The following DHRSX variants were observed in gnomAD, a reference collection of about 807,000 sequenced individuals.
DHRSX encodes the protein dehydrogenase/reductase X-linked.
DHRSX carries 31 observed loss-of-function variants against 34.0 expected under a neutral mutation model. The observed-to-expected ratio is 0.91, with a 90% confidence interval of 0.69 to 1.23. The LOEUF is 1.23. DHRSX is among the 50% of genes most tolerant of loss of function. DHRSX has a pLI of 0.00. For synonymous variants in DHRSX, 201 were observed against 183.8 expected (o/e 1.09, Z -0.76); for missense variants, 414 against 428.1 (o/e 0.97, Z 0.29).
At chrX:2,435,842 A>G (rs1234479902) in intron 1 of DHRSX, among the ~76,000 whole-genome samples, 1 of 152,264 alleles carries the variant, frequency 6.6e-6, no homozygotes. Flanking sequence ...CTTAAAAAAC[A>G]GGAAAAACAA....
At chrX:2,442,298 G>C (rs1021665488) in intron 1 of DHRSX, among the ~76,000 whole-genome samples, 4 of 151,412 alleles carry the variant, frequency 2.6e-5, no homozygotes, top group Non-Finnish European at 2.9e-5. Context: ...GAACAAAAAG[G>C]GTTGTTCTTG....
rs747127924 is a variant in DHRSX, at chrX:2,403,770, C to T, written c.286+4975G>A. Among the ~76,000 whole-genome samples the T allele has an allele frequency of 2.7e-3, 415 of 151,188 alleles. 1 individual carries two copies. The highest frequency in any genetic ancestry group is 9.0e-3 in the African/African-American group (369 of 41,124). ...ACTCGGGAGGCTGAGGCAGGAGAAT[C>T]GCTTGAACCCGGGAGGCGGAGGTTG... is the stretch of plus-strand genomic sequence containing the variant. On this transcript the variant is annotated intron_variant, in intron 3 of 6. Transcript: ENST00000334651.
intron 1 of DHRSX, among the ~76,000 whole-genome samples, chrX:2,479,863 G>T (rs7887430): frequency 0.2 from 30,363 of 151,682 alleles, 4,012 homozygotes; most frequent in African/African-American, 0.38. Context: ...CTATGGGACT[G>T]TCGCCATGTA....
intron 3 of DHRSX, among the ~76,000 whole-genome samples, chrX:2,353,541 G>A (rs9785588): frequency 0.44 from 66,331 of 151,004 alleles, 15,432 homozygotes; most frequent in Non-Finnish European, 0.52. Flanking sequence ...GGAGTCAGAA[G>A]ACAGTCACAC....
chrX:2,244,699 T>A (rs1438408163), intron 5 of DHRSX, among the ~76,000 whole-genome samples: 1 of 151,078 alleles, frequency 6.6e-6, no homozygotes, highest in Admixed American at 6.6e-5. Flanking sequence ...ATATATATAT[T>A]TTTAAATTTT....
chrX:2,468,406 A>G (rs2044530407), intron 1 of DHRSX, among the ~76,000 whole-genome samples: 1 of 152,208 alleles, frequency 6.6e-6, no homozygotes, highest in South Asian at 2.1e-4. Flanking sequence ...ATGGTCGCTG[A>G]CAGAGGAAAC....
intron 3 of DHRSX, among the ~76,000 whole-genome samples, chrX:2,361,673 G>A (rs1569493723): frequency 2.0e-5 from 3 of 152,128 alleles, no homozygotes; most frequent in South Asian, 2.1e-4. Flanking sequence ...TTAATGTGTC[G>A]TTTCTGAGCA....
intron 5 of DHRSX, 83 bp downstream of exon 5, chrX:2,266,657 C>T (rs760255493): frequency 2.1e-5 from 29 of 1,355,296 alleles, no homozygotes; most frequent in African/African-American, 5.7e-5. Flanking sequence ...ATGCAGGGAG[C>T]GCCACACCGC....
Position 2,221,096 on chromosome X carries a change from T to C in DHRSX, c.938A>G (p.Gln313Arg). 1 of 1,613,974 alleles carries C rather than the reference T, an allele frequency of 6.2e-7. No individual in the cohort carries two copies. Among genetic ancestry groups the C allele is most frequent in the African/African-American group, 1.3e-5 (1 of 75,040 alleles). Residue 313 changes from glutamine (Q) to arginine (R), a missense_variant, in exon 7 of 7, where the codon CAG becomes CGG. Gln to Arg is a conservative substitution (Grantham distance 43). Coordinates refer to ENST00000334651, the MANE Select transcript of DHRSX (RefSeq NM_145177.3). Reference sequence around the variant, plus strand: ...CTCACAACTCTTAGACCACAGCTGCTGCTGCAGTTTCTGGTTGTAGGTGAC... The same window carrying C: ...CTCACAACTCTTAGACCACAGCTGCCGCTGCAGTTTCTGGTTGTAGGTGAC... ...LHVTYNQKLQ[Q>R]QLWSKSCEMT... is the part of the protein sequence containing the mutation.
At position 2,259,395 on chromosome X, in the gene DHRSX, G is replaced by GATAT. The variant is rs34990707; in HGVS notation, c.596+7341_596+7344dup. ...ATATAGATATATATATAGATATATA[G>GATAT]ATATATATATAGATATAGATATATA... On this transcript the variant is annotated intron_variant, in intron 5 of 6. Transcript: ENST00000334651. Among the ~76,000 whole-genome samples, 25 of 124,078 alleles carry GATAT rather than the reference G, an allele frequency of 2.0e-4. 1 individual carries two copies. Among genetic ancestry groups the GATAT allele is most frequent in the Admixed American group, 6.5e-4 (8 of 12,220 alleles). The allele number at this position is 124,078 out of a possible 152,430, so 81.4% of individuals were successfully genotyped here. A position where few individuals can be genotyped will look rare whatever the true frequency, so the allele number is the denominator to read the frequency against.
At chrX:2,227,331 A>C (rs2015690458) in intron 6 of DHRSX, among the ~76,000 whole-genome samples, 1 of 151,540 alleles carries the variant, frequency 6.6e-6, no homozygotes, top group South Asian at 2.1e-4. Context: ...CAATGGAAGG[A>C]AGAAAGAGAA....
chrX:2,276,053 AG>A lies in DHRSX; in HGVS notation c.389-9107del, dbSNP rs772714319. On this transcript the variant is annotated intron_variant, in intron 4 of 6. Coordinates refer to ENST00000334651, the MANE Select transcript of DHRSX (RefSeq NM_145177.3). ...GAGACGGGATTTCACCGTGTTGGCC[AG>A]GATGGTCTCGAACTCCTGACCTCGT... 4.5e-3 allele frequency among the ~76,000 whole-genome samples: 687 copies of A among 152,256 alleles called. 7 individuals carry two copies. The highest frequency in any genetic ancestry group is 0.015 in the African/African-American group (640 of 41,552).
intron 3 of DHRSX, among the ~76,000 whole-genome samples, chrX:2,386,594 TG>T (rs1264743042): frequency 6.6e-6 from 1 of 152,214 alleles, no homozygotes; most frequent in Non-Finnish European, 1.5e-5. Context: ...GTTTTATCTG[TG>T]ATCTGTAATT....
At chrX:2,487,040 C>T (rs1277029489) in intron 1 of DHRSX, 9 of 152,200 alleles carry the variant, frequency 5.9e-5, no homozygotes, top group Non-Finnish European at 1.3e-4. Context: ...GCAGAGAACC[C>T]GCTGCACGTA....
At chrX:2,233,313 A>G (rs994856711) in intron 6 of DHRSX, among the ~76,000 whole-genome samples, 1 of 151,848 alleles carries the variant, frequency 6.6e-6, no homozygotes, top group Non-Finnish European at 1.5e-5. Flanking sequence ...AATACACAAG[A>G]CGGTCCTGTA....
intron 3 of DHRSX, among the ~76,000 whole-genome samples, chrX:2,361,518 C>T (rs1207710478): frequency 1.3e-5 from 2 of 152,128 alleles, no homozygotes; most frequent in Non-Finnish European, 2.9e-5. Flanking sequence ...AGACCTAAAT[C>T]TGTGGTTTAT....
At chrX:2,433,767 T>C (rs1466990856) in intron 1 of DHRSX, among the ~76,000 whole-genome samples, 1 of 152,038 alleles carries the variant, frequency 6.6e-6, no homozygotes, top group Admixed American at 6.6e-5. Context: ...TATTCCATGG[T>C]GTATTTTTCT....
At chrX:2,430,014 T>C (rs186281439) in intron 1 of DHRSX, among the ~76,000 whole-genome samples, 3 of 152,122 alleles carry the variant, frequency 2.0e-5, no homozygotes, top group African/African-American at 7.2e-5. Context: ...CAGTCCTGCT[T>C]ATAATATAGA....
intron 3 of DHRSX, among the ~76,000 whole-genome samples, chrX:2,333,246 A>T (rs1201282140): frequency 6.6e-6 from 1 of 152,214 alleles, no homozygotes; most frequent in Non-Finnish European, 1.5e-5. Context: ...AGTCATCATA[A>T]CACATAGCTT....
Sources: gnomAD v4.1 joint callset for allele counts (sites outside exome capture counted in the v4.1 genomes callset) on GRCh38, gnomAD v4.1.1 for gene constraint, MANE v1.5 for transcripts, NCBI Gene and HGNC (gene_info 2026-07-23, HGNC 2026-07-21) for gene names.